Variants in GPR157 observed in about 807,000 individuals in gnomAD.
GPR157 encodes G protein-coupled receptor 157.
A neutral mutation model predicts 23.5 loss-of-function variants in GPR157; 16 were observed. The observed-to-expected ratio is 0.68, with a 90% confidence interval of 0.46 to 1.04. GPR157 has a LOEUF of 1.04. Among genes scored for constraint, GPR157 ranks in the 50% least tolerant of loss-of-function variants. The probability of loss-of-function intolerance (pLI) is 0.00; values close to 1 mark genes in which losing one functional copy is unlikely to be tolerated. For missense variants in GPR157, 440 were observed against 460.7 expected, an observed-to-expected ratio of 0.96 and a Z score of 0.41; for synonymous variants, 200 against 221.5, an observed-to-expected ratio of 0.90 and a Z score of 0.86.
In GPR157 at chr1:9,107,359, C is replaced by T. The variant is rs1205876153; in HGVS notation, c.598-1679G>A. 2.0e-5 allele frequency among the ~76,000 whole-genome samples: 3 copies of T among 152,032 alleles called. No individual in the cohort carries two copies. In the East Asian group the frequency reaches 5.8e-4, roughly 29 times the overall value. On this transcript the variant is annotated intron_variant, in intron 2 of 3. Transcript: ENST00000377411. ...ATGATGAACACGTGATTTTTTTTGG[C>T]CAGGAGTGGTGGCTCATGCCTGAAA...
At chr1:9,112,554 G>A (rs929861133) in intron 1 of GPR157, among the ~76,000 whole-genome samples, 1 of 152,212 alleles carries the variant, frequency 6.6e-6, no homozygotes, top group Non-Finnish European at 1.5e-5. Flanking sequence ...CTGGGTTCAA[G>A]CGATTCTCCT....
intron 2 of GPR157, among the ~76,000 whole-genome samples, chr1:9,110,466 T>C (rs996401391): frequency 1.7e-4 from 26 of 152,272 alleles, no homozygotes; most frequent in African/African-American, 5.8e-4. Flanking sequence ...GAGGTTGCAG[T>C]GAGCCGAGAT....
At chr1:9,123,893 A>G (rs919297353) in intron 1 of GPR157, among the ~76,000 whole-genome samples, 2 of 150,060 alleles carry the variant, frequency 1.3e-5, no homozygotes, top group East Asian at 1.9e-4. Context: ...CAATGGCACA[A>G]TCTCAGCTCA....
Position 9,105,527 on chromosome 1 carries a change from C to T in GPR157, c.751G>A (p.Gly251Ser), listed in dbSNP as rs1360085407. The change falls in exon 3 of 4, where the codon GGC becomes AGC. Residue 251 changes from glycine (G) to serine (S), a missense_variant. Coordinates refer to ENST00000377411, the MANE Select transcript of GPR157 (RefSeq NM_024980.5). The surrounding 1 kb of genome is among the most constrained non-coding windows in gnomAD (Gnocchi z 4.8). ...ACCGGCGTCTGCACGGCCGGGGAGC[C>T]ACAGAGGGTCAGCACGAACCGCACG... Reference protein sequence around the residue: ...STVRFVLTLCGSPAVQTPVLV... With the variant: ...STVRFVLTLCSSPAVQTPVLV... 6.3e-7 allele frequency: 1 copy of T among 1,591,182 alleles called. No individual in the cohort carries two copies. Among genetic ancestry groups the T allele is most frequent in the African/African-American group, 1.3e-5 (1 of 74,902 alleles).
chr1:9,113,263 G>C (rs980774634), intron 1 of GPR157, among the ~76,000 whole-genome samples: 4 of 152,284 alleles, frequency 2.6e-5, no homozygotes, highest in Admixed American at 2.0e-4. Context: ...CCTAGGTCAG[G>C]TGCCTGGAGC....
intron 1 of GPR157, among the ~76,000 whole-genome samples, chr1:9,114,599 CTCA>C (rs1231897315): frequency 6.6e-6 from 1 of 152,128 alleles, no homozygotes; most frequent in Non-Finnish European, 1.5e-5. Context: ...CCGACGGGCC[CTCA>C]TGGGAAACCG....
intron 2 of GPR157, among the ~76,000 whole-genome samples, chr1:9,106,914 A>G (rs1347648898): frequency 6.6e-6 from 1 of 152,188 alleles, no homozygotes; most frequent in African/African-American, 2.4e-5. Context: ...CAGTGAGCCA[A>G]GATCGCGCCA....
At chr1:9,116,276 T>TAG (rs1557698065) in intron 1 of GPR157, among the ~76,000 whole-genome samples, 1 of 18,660 alleles carries the variant, frequency 5.4e-5, no homozygotes, top group Non-Finnish European at 7.2e-5. Flanking sequence ...AATATAATTA[T>TAG]ATATAAATTA....
At position 9,104,297 on chromosome 1, in the gene GPR157, G is replaced by T; in HGVS notation, c.*122C>A. 1 of 703,234 alleles carries T rather than the reference G, an allele frequency of 1.4e-6. No homozygotes were observed. 43.6% of individuals were successfully genotyped at this position (703,234 alleles called of 1,614,324 possible). On this transcript the variant is annotated 3_prime_UTR_variant, in exon 4 of 4. Coordinates refer to ENST00000377411, the MANE Select transcript of GPR157 (RefSeq NM_024980.5). ...AGCTGCTCTCCCAATGGAGCCGAGA[G>T]CATCAATAGCGGGGGCTTCTGGTGC...
At position 9,105,005 on chromosome 1, in the gene GPR157, C is replaced by CA. The variant is rs1360906784; in HGVS notation, c.793-372_793-371insT. 2.1e-5 allele frequency among the ~76,000 whole-genome samples: 3 copies of CA among 140,674 alleles called. No individual in the cohort carries two copies. The highest frequency in any genetic ancestry group is 5.6e-5 in the African/African-American group (2 of 35,676). The allele number at this position is 140,674 out of a possible 152,430, so 92.3% of individuals were successfully genotyped here. A position where few individuals can be genotyped will look rare whatever the true frequency, so the allele number is the denominator to read the frequency against. On this transcript the variant is annotated intron_variant, in intron 3 of 3. Coordinates refer to ENST00000377411, the MANE Select transcript of GPR157 (RefSeq NM_024980.5). The surrounding 1 kb of genome is among the most constrained non-coding windows in gnomAD (Gnocchi z 4.8). The stretch of plus-strand genomic sequence containing the variant: ...ACAAAGCCAGACTCTGTCCCCGCAC[C>CA]CCCCCCCAAAAAAGAGAAATGGCTG...
At chr1:9,123,372 TTAAA>T (rs1309142539) in intron 1 of GPR157, among the ~76,000 whole-genome samples, 1 of 29,758 alleles carries the variant, frequency 3.4e-5, no homozygotes, top group African/African-American at 1.1e-4. Context: ...TATATTTAAA[TTAAA>T]TATATATATT....
In GPR157 at chr1:9,123,163, GA is replaced by G. The variant is rs1553175750; in HGVS notation, c.383+5481del. ...ACAAGAGTGAAACTGTCTTGGGTGGGAAAAAAAAAAAATATATATATATATA... is the reference window on the plus strand; with the variant it reads ...ACAAGAGTGAAACTGTCTTGGGTGGGAAAAAAAAAAATATATATATATATA... On this transcript the variant is annotated intron_variant, in intron 1 of 3. Coordinates refer to ENST00000377411, the MANE Select transcript of GPR157 (RefSeq NM_024980.5). Among the ~76,000 whole-genome samples, 448 of 87,550 alleles carry G rather than the reference GA, an allele frequency of 5.1e-3. 6 individuals are homozygous for G. Among genetic ancestry groups the G allele is most frequent in the African/African-American group, 0.012 (280 of 23,068 alleles). 57.4% of individuals were successfully genotyped at this position (87,550 alleles called of 152,430 possible).
rs113133160 is a variant in GPR157 at position 9,101,016 on chromosome 1, A to C, written c.*3403T>G. On this transcript the variant is annotated 3_prime_UTR_variant, in exon 4 of 4. Transcript: ENST00000377411. ...CAGCAAAACCCTGCCTCACAAAAAT[A>C]AATAAACTAAAAAGAAGTAACAGCC... 0.046 allele frequency: 6,973 copies of C among 152,120 alleles called. 188 individuals carry two copies. Among genetic ancestry groups the C allele is most frequent in the African/African-American group, 0.071 (2,949 of 41,450 alleles). The allele number at this position is 152,120 out of a possible 1,614,324, so 9.4% of individuals were successfully genotyped here.
At chr1:9,110,572 G>A (rs565465526) in intron 2 of GPR157, among the ~76,000 whole-genome samples, 64 of 152,268 alleles carry the variant, frequency 4.2e-4, no homozygotes, top group Non-Finnish European at 7.9e-4. Flanking sequence ...ATGAGTGACC[G>A]AGTGGATCAA....
chr1:9,120,268 T>C lies in GPR157; in HGVS notation c.383+8377A>G, dbSNP rs548786622. The stretch of plus-strand genomic sequence containing the variant: ...CCCACCCTGGGATTCCTGTACCTTT[T>C]CCCCACCCCAAACTTCATCCTTCCT... On this transcript the variant is annotated intron_variant, in intron 1 of 3. Transcript: ENST00000377411. The surrounding 1 kb of genome is among the most constrained non-coding windows in gnomAD (Gnocchi z 4.1). 2.2e-3 allele frequency among the ~76,000 whole-genome samples: 333 copies of C among 152,110 alleles called. 2 individuals are homozygous for C. The highest frequency in any genetic ancestry group is 7.3e-3 in the African/African-American group (304 of 41,512).
Position 9,120,214 on chromosome 1 carries a change from T to C in GPR157, c.383+8431A>G, listed in dbSNP as rs1032007096. ...GGTCAGAGGTTAGACTGAAGGGGGC[T>C]CAAGGCAGAGTCTGCTCAATCACCT... is the stretch of plus-strand genomic sequence containing the variant. On this transcript the variant is annotated intron_variant, in intron 1 of 3. Transcript: ENST00000377411. The surrounding 1 kb of genome is among the most constrained non-coding windows in gnomAD (Gnocchi z 4.1). 6.6e-6 allele frequency among the ~76,000 whole-genome samples: 1 copy of C among 152,074 alleles called. No homozygotes were observed. The highest frequency in any genetic ancestry group is 1.5e-5 in the Non-Finnish European group (1 of 68,010).
At chr1:9,111,024 C>T (rs1455723374) in intron 2 of GPR157, 2 of 548,922 alleles carry the variant, frequency 3.6e-6, no homozygotes, top group African/African-American at 1.9e-5. Flanking sequence ...GGCTAAGCCT[C>T]GTTTCCTTAT....
At position 9,128,456 on chromosome 1, in the gene GPR157, CG is replaced by C. The variant is rs1639012904; in HGVS notation, c.383+188del. The C allele has an allele frequency of 1.5e-6, 1 of 684,302 alleles. No homozygotes were observed. The highest frequency in any genetic ancestry group is 2.6e-6 in the Non-Finnish European group (1 of 380,874). 42.4% of individuals were successfully genotyped at this position (684,302 alleles called of 1,614,324 possible). A position where few individuals can be genotyped will look rare whatever the true frequency, so the allele number is the denominator to read the frequency against. ...TGGGGCAGGCACAGCGGGGCTCCTT[CG>C]GGAGGGAGCGAATCTCGGGCAAGGC... On this transcript the variant is annotated intron_variant, in intron 1 of 3. Transcript: ENST00000377411. The surrounding 1 kb of genome is among the most constrained non-coding windows in gnomAD (Gnocchi z 6.3).
rs190029863 is a variant in GPR157 at position 9,107,637 on chromosome 1, A to G, written c.598-1957T>C. The stretch of plus-strand genomic sequence containing the variant: ...CCGACTCTACTAAAAATACAAAATT[A>G]GGCTAGGCGCGGGCACAGTGGCTCA... On this transcript the variant is annotated intron_variant, in intron 2 of 3. Transcript: ENST00000377411. Among the ~76,000 whole-genome samples, 1,471 of 152,014 alleles carry G rather than the reference A, an allele frequency of 9.7e-3. 10 individuals carry two copies. Among genetic ancestry groups the G allele is most frequent in the Non-Finnish European group, 0.016 (1,075 of 67,960 alleles).
Sources: gnomAD v4.1 joint callset for allele counts (sites outside exome capture counted in the v4.1 genomes callset) on GRCh38, gnomAD v4.1.1 for gene constraint, Gnocchi (gnomAD v3.1) non-coding constraint, MANE v1.5 for transcripts, NCBI Gene and HGNC (gene_info 2026-07-23, HGNC 2026-07-21) for gene names.